Variants in PDZD2 observed in about 807,000 individuals in gnomAD.
PDZD2 encodes PDZ domain-containing protein 2.
In PDZD2, 90 loss-of-function variants were observed where a neutral mutation model predicts 220.7. That is an observed-to-expected ratio of 0.41 (90% CI 0.34 to 0.49). The LOEUF is 0.49. PDZD2 is among the 20% of genes least tolerant of loss of function. The pLI is 0.28. For synonymous variants in PDZD2, 1,375 were observed against 1,450.5 expected (o/e 0.95, Z 1.18); for missense variants, 3,174 against 3,608.5 (o/e 0.88, Z 3.08).
At position 31,649,618 on chromosome 5, in the gene PDZD2, G is replaced by A. The variant is rs534898368; in HGVS notation, c.-361+10181G>A. On this transcript the variant is annotated intron_variant, in intron 1 of 24. Coordinates refer to ENST00000438447, the MANE Select transcript of PDZD2 (RefSeq NM_178140.4). ...GTTCCTATTTCTGCCTTTCCTTTAA[G>A]GTTTCAAGGAAGAGGGTTTAAAATA... Among the ~76,000 whole-genome samples, 30 of 152,020 alleles carry A rather than the reference G, an allele frequency of 2.0e-4. No individual in the cohort carries two copies. The South Asian group carries it at 4.2e-3, about 21-fold the overall frequency.
At chr5:31,870,943 A>G (rs2150323711) in intron 2 of PDZD2, among the ~76,000 whole-genome samples, 1 of 152,254 alleles carries the variant, frequency 6.6e-6, no homozygotes, top group South Asian at 2.1e-4. Flanking sequence ...AACTTAGATC[A>G]AAGTGAAGAA....
chr5:31,778,584 A>C (rs1026901115), intron 1 of PDZD2, among the ~76,000 whole-genome samples: 1 of 152,208 alleles, frequency 6.6e-6, no homozygotes, highest in Non-Finnish European at 1.5e-5. Flanking sequence ...TCCTGAAGCC[A>C]GCGAGACCAT....
intron 2 of PDZD2, among the ~76,000 whole-genome samples, chr5:31,801,192 A>T (rs1384190941): frequency 6.6e-6 from 1 of 152,168 alleles, no homozygotes; most frequent in East Asian, 1.9e-4. Context: ...AGGTGTGAGG[A>T]CTTATGCAGT....
intron 19 of PDZD2, among the ~76,000 whole-genome samples, chr5:32,082,450 C>T (rs569947019): frequency 2.6e-5 from 4 of 152,112 alleles, no homozygotes; most frequent in Admixed American, 6.6e-5. Flanking sequence ...CAGGGGCATA[C>T]GCAGGCTGCC....
At chr5:32,019,175 T>C (rs371670171) in intron 6 of PDZD2, among the ~76,000 whole-genome samples, 3 of 128,492 alleles carry the variant, frequency 2.3e-5, no homozygotes, top group African/African-American at 2.9e-5. Flanking sequence ...AGGGTCTCAC[T>C]CTGTTGCCCA....
chr5:31,706,512 G>A (rs754152515), intron 1 of PDZD2, among the ~76,000 whole-genome samples: 11 of 152,134 alleles, frequency 7.2e-5, no homozygotes, highest in Middle Eastern at 3.4e-3. Context: ...CCAGGAGCAC[G>A]GTGAGCAGCT....
At chr5:32,062,595 T>C (rs1433905180) in intron 14 of PDZD2, among the ~76,000 whole-genome samples, 1 of 152,148 alleles carries the variant, frequency 6.6e-6, no homozygotes, top group Non-Finnish European at 1.5e-5. Context: ...GGTTTCACCA[T>C]GTTGCCCAGG....
chr5:31,947,939 A>G (rs1746801474), intron 2 of PDZD2, among the ~76,000 whole-genome samples: 1 of 152,178 alleles, frequency 6.6e-6, no homozygotes, highest in Admixed American at 6.5e-5. Context: ...GCTTTGGGAA[A>G]GAAAGTGCCA....
chr5:32,006,993 A>G (rs998943198), intron 5 of PDZD2, among the ~76,000 whole-genome samples: 3 of 131,462 alleles, frequency 2.3e-5, no homozygotes, highest in African/African-American at 5.7e-5. Flanking sequence ...TCAGCTCACT[A>G]CAAGCTCCGC....
intron 2 of PDZD2, among the ~76,000 whole-genome samples, chr5:31,849,972 A>G (rs1442863982): frequency 0.12 from 4,138 of 34,596 alleles, 1,157 homozygotes; most frequent in African/African-American, 0.42. Flanking sequence ...ACACATATAT[A>G]TATATACATA....
chr5:31,828,256 G>T (rs1460751674), intron 2 of PDZD2, among the ~76,000 whole-genome samples: 1 of 152,128 alleles, frequency 6.6e-6, no homozygotes, highest in African/African-American at 2.4e-5. Context: ...AACTTTTTGA[G>T]AAATCTCCAA....
chr5:32,008,087 C>T (rs1196965144), intron 5 of PDZD2, among the ~76,000 whole-genome samples: 1 of 149,128 alleles, frequency 6.7e-6, no homozygotes, highest in Non-Finnish European at 1.5e-5. Context: ...GCCAGGAGTT[C>T]GAGACCAGCC....
chr5:31,879,217 C>T (rs1415069019), intron 2 of PDZD2, among the ~76,000 whole-genome samples: 1 of 151,822 alleles, frequency 6.6e-6, no homozygotes, highest in African/African-American at 2.4e-5. Context: ...GAAATCCTGT[C>T]TCTACTAAAA....
intron 2 of PDZD2, among the ~76,000 whole-genome samples, chr5:31,878,987 G>A (rs1333117284): frequency 3.9e-5 from 6 of 152,162 alleles, no homozygotes; most frequent in Non-Finnish European, 8.8e-5. Flanking sequence ...CATGTAGGTG[G>A]ATCAGCAGTT....
chr5:32,066,646 A>G (rs142433121), intron 14 of PDZD2, among the ~76,000 whole-genome samples: 53 of 152,308 alleles, frequency 3.5e-4, no homozygotes, highest in African/African-American at 1.3e-3. Flanking sequence ...TCCGTCAGCA[A>G]TGTTACAGAA....
intron 1 of PDZD2, among the ~76,000 whole-genome samples, chr5:31,677,925 T>C (rs1746501183): frequency 6.6e-6 from 1 of 151,526 alleles, no homozygotes; most frequent in Non-Finnish European, 1.5e-5. Context: ...GGAGGGACTT[T>C]GGGGGCTAAT....
intron 1 of PDZD2, among the ~76,000 whole-genome samples, chr5:31,704,432 C>T (rs1377742473): frequency 1.3e-5 from 2 of 152,134 alleles, no homozygotes; most frequent in Non-Finnish European, 2.9e-5. Context: ...CTGCCTTTCC[C>T]ACAACAAACA....
At chr5:31,995,395 T>C (rs1195362241) in intron 3 of PDZD2, among the ~76,000 whole-genome samples, 181 bp from the exon 4 acceptor site, 1 of 152,232 alleles carries the variant, frequency 6.6e-6, no homozygotes, top group African/African-American at 2.4e-5. Flanking sequence ...GAAAGTTCTA[T>C]TGGACAGCAC....
intron 2 of PDZD2, among the ~76,000 whole-genome samples, chr5:31,836,353 T>G (rs111948280): frequency 0.053 from 7,974 of 150,386 alleles, 745 homozygotes; most frequent in African/African-American, 0.18. Context: ...TGCCTCAGCC[T>G]CCCAAGTAGC....
Sources: allele counts gnomAD v4.1 joint callset (sites outside exome capture counted in the v4.1 genomes callset), GRCh38; gene constraint gnomAD v4.1.1; transcripts MANE v1.5; gene names NCBI Gene and HGNC (gene_info 2026-07-23, HGNC 2026-07-21).